SIK2: variants seen among roughly 807,000 people sequenced by gnomAD.
SIK2 encodes the protein salt inducible kinase 2.
Under a neutral mutation model 103.2 loss-of-function variants are expected in SIK2, and 29 were observed. That is an observed-to-expected ratio of 0.28 (90% CI 0.21 to 0.38). The LOEUF (loss-of-function observed/expected upper bound fraction) is 0.38, where lower values mean the gene tolerates loss of function less well. Ranked by LOEUF, SIK2 falls within the 10% of genes least tolerant of loss-of-function variation. The pLI is 1.00. For missense variants in SIK2, 879 were observed against 1,171.0 expected, an observed-to-expected ratio of 0.75 and a Z score of 3.64; for synonymous variants, 412 against 446.1, an observed-to-expected ratio of 0.92 and a Z score of 0.96.
chr11:111,631,526 G>A (rs73017017), intron 3 of SIK2, among the ~76,000 whole-genome samples: 3,855 of 152,280 alleles, frequency 0.025, 66 homozygotes, highest in Non-Finnish European at 0.038. Flanking sequence ...AAGGCTGATT[G>A]TGAGATCCAA....
intron 3 of SIK2, among the ~76,000 whole-genome samples, chr11:111,670,801 C>T (rs1245917108): frequency 6.6e-6 from 1 of 152,076 alleles, no homozygotes; most frequent in Non-Finnish European, 1.5e-5. Flanking sequence ...AGAGTGGGTA[C>T]CCCAGGCAAT....
At chr11:111,676,094 C>A (rs1942700003) in intron 3 of SIK2, among the ~76,000 whole-genome samples, 1 of 152,152 alleles carries the variant, frequency 6.6e-6, no homozygotes, top group Non-Finnish European at 1.5e-5. Flanking sequence ...GATAGTATTT[C>A]CTCCTTTTTA....
At chr11:111,668,170 AAAGT>A in intron 3 of SIK2, among the ~76,000 whole-genome samples, 1 of 98,662 alleles carries the variant, frequency 1.0e-5, no homozygotes, top group African/African-American at 3.8e-5. Flanking sequence ...TGGAATAACT[AAAGT>A]AAGGAGTGTG....
chr11:111,709,110 C>T (rs778481170), intron 8 of SIK2, among the ~76,000 whole-genome samples: 2 of 152,190 alleles, frequency 1.3e-5, no homozygotes, highest in Admixed American at 6.5e-5. Context: ...TCTCACAGTT[C>T]GGGAGGCCGG....
intron 4 of SIK2, among the ~76,000 whole-genome samples, chr11:111,693,738 C>T (rs1943003550): frequency 6.6e-6 from 1 of 152,126 alleles, no homozygotes; most frequent in Non-Finnish European, 1.5e-5. Context: ...TAGCTATAAC[C>T]TTGGGCCGAT....
At chr11:111,655,137 C>T (rs889946578) in intron 3 of SIK2, among the ~76,000 whole-genome samples, 3 of 152,232 alleles carry the variant, frequency 2.0e-5, no homozygotes, top group African/African-American at 4.8e-5. Context: ...CACAGTGGCT[C>T]ATGCCTGTGA....
chr11:111,711,261 G>C (rs1009811436), intron 8 of SIK2, among the ~76,000 whole-genome samples: 1 of 151,934 alleles, frequency 6.6e-6, no homozygotes, highest in Admixed American at 6.6e-5. Flanking sequence ...TGGGACTACA[G>C]GCACCCGCCA....
intron 3 of SIK2, among the ~76,000 whole-genome samples, chr11:111,675,506 C>T (rs1237004699): frequency 2.0e-5 from 3 of 152,176 alleles, no homozygotes; most frequent in Non-Finnish European, 4.4e-5. Flanking sequence ...TCACTGTTTT[C>T]TTTCTTTTCT....
At chr11:111,674,166 G>A (rs888392917) in intron 3 of SIK2, among the ~76,000 whole-genome samples, 3 of 151,948 alleles carry the variant, frequency 2.0e-5, no homozygotes, top group Non-Finnish European at 4.4e-5. Context: ...TGGCCCAGGA[G>A]CTGAGAACAG....
At chr11:111,606,427 C>T (rs1941648669) in intron 1 of SIK2, among the ~76,000 whole-genome samples, 1 of 151,840 alleles carries the variant, frequency 6.6e-6, no homozygotes, top group African/African-American at 2.4e-5. Context: ...GCATTTTTTC[C>T]ATAGATGAAA....
rs781199384 is a variant in SIK2, at chr11:111,703,204, T to C, written c.729T>C (p.Asp243=). 3.7e-6 allele frequency: 6 copies of C among 1,613,916 alleles called. No individual in the cohort carries two copies. Among genetic ancestry groups the C allele is most frequent in the Non-Finnish European group, 5.1e-6 (6 of 1,179,918 alleles). The part of the protein sequence containing the change: ...RFRIPYFMSE[D]CEHLIRRMLV... ...TTTGTAACATTGTGTTTTCTATAGA[T>C]TGCGAGCACCTTATCCGAAGGATGT... is the stretch of plus-strand genomic sequence containing the variant. The change falls in exon 7 of 15, where the codon GAT becomes GAC. Residue 243 remains aspartate, a splice_region_variant and synonymous_variant. Coordinates refer to ENST00000304987, the MANE Select transcript of SIK2 (RefSeq NM_015191.3).
chr11:111,701,068 C>T lies in SIK2; in HGVS notation c.603+58C>T. ...ATCTATACTGATAATACTTGGTGTT[C>T]TGGCCCATCTTAGAAGCTCCTGGTA... On this transcript the variant is annotated intron_variant, in intron 5 of 14. Coordinates refer to ENST00000304987, the MANE Select transcript of SIK2 (RefSeq NM_015191.3). The surrounding 1 kb of genome is among the most constrained non-coding windows in gnomAD (Gnocchi z 4.2). 6.4e-7 allele frequency: 1 copy of T among 1,570,822 alleles called. No homozygotes were observed. The highest frequency in any genetic ancestry group is 8.7e-7 in the Non-Finnish European group (1 of 1,155,110).
In SIK2 at chr11:111,701,370, C is replaced by T; in HGVS notation, c.604-82C>T. Reference sequence around the variant, plus strand: ...AGGAATTTTTCAGTCCATATGATTTCAAGAGCCCTGGGGATGTTCAGGAAA... The same window carrying T: ...AGGAATTTTTCAGTCCATATGATTTTAAGAGCCCTGGGGATGTTCAGGAAA... On this transcript the variant is annotated intron_variant, in intron 5 of 14. Coordinates refer to ENST00000304987, the MANE Select transcript of SIK2 (RefSeq NM_015191.3). This position sits in a 1 kb window ranked among gnomAD's most constrained non-coding sequence, Gnocchi z 4.2. 6.7e-7 allele frequency: 1 copy of T among 1,501,808 alleles called. No individual in the cohort carries two copies. Among genetic ancestry groups the T allele is most frequent in the Non-Finnish European group, 8.9e-7 (1 of 1,118,328 alleles). 93.0% of individuals were successfully genotyped at this position (1,501,808 alleles called of 1,614,324 possible). A position where few individuals can be genotyped will look rare whatever the true frequency, so the allele number is the denominator to read the frequency against.
In SIK2 at chr11:111,602,692, G is replaced by A. The variant is rs758209343; in HGVS notation, c.129G>A (p.Lys43=). 3.3e-6 allele frequency: 5 copies of A among 1,519,220 alleles called. No individual in the cohort carries two copies. Among genetic ancestry groups the A allele is most frequent in the Admixed American group, 4.2e-5 (2 of 47,832 alleles). 94.1% of individuals were successfully genotyped at this position (1,519,220 alleles called of 1,614,324 possible). ...AGCTGGGGCGGCACCGGATCACCAA[G>A]ACGGAGGTGCGGCCCGGGGCTCGGC... ...VVKLGRHRIT[K]TEVAIKIIDK... The change falls in exon 1 of 15, where the codon AAG becomes AAA. Residue 43 remains lysine (K), a synonymous_variant. Coordinates refer to ENST00000304987, the MANE Select transcript of SIK2 (RefSeq NM_015191.3). This position sits in a 1 kb window ranked among gnomAD's most constrained non-coding sequence, Gnocchi z 4.5.
chr11:111,660,095 C>T (rs1942447693), intron 3 of SIK2, among the ~76,000 whole-genome samples: 1 of 152,140 alleles, frequency 6.6e-6, no homozygotes, highest in Non-Finnish European at 1.5e-5. Context: ...GCTGGATTTG[C>T]AGTTAGAGAC....
intron 3 of SIK2, among the ~76,000 whole-genome samples, chr11:111,648,893 C>T (rs1942292396): frequency 6.6e-6 from 1 of 152,024 alleles, no homozygotes; most frequent in African/African-American, 2.4e-5. Flanking sequence ...GACATGTTAG[C>T]ATGTAGATCT....
At chr11:111,715,855 G>C (rs1330702562) in intron 9 of SIK2, among the ~76,000 whole-genome samples, 1 of 126,516 alleles carries the variant, frequency 7.9e-6, no homozygotes, top group East Asian at 2.4e-4. Flanking sequence ...AGGCTGGAGT[G>C]CAGTGACACG....
chr11:111,674,832 C>T (rs929952706), intron 3 of SIK2, among the ~76,000 whole-genome samples: 3 of 152,068 alleles, frequency 2.0e-5, no homozygotes, highest in Admixed American at 6.5e-5. Context: ...CTGCAACCTC[C>T]ACCTCCCAGG....
intron 3 of SIK2, among the ~76,000 whole-genome samples, chr11:111,672,847 C>T (rs1942647032): frequency 6.6e-6 from 1 of 152,168 alleles, no homozygotes; most frequent in Admixed American, 6.5e-5. Flanking sequence ...CTTGATTGGA[C>T]CACTATTCGT....
Sources: gnomAD v4.1 joint callset for allele counts (sites outside exome capture counted in the v4.1 genomes callset) on GRCh38, gnomAD v4.1.1 for gene constraint, Gnocchi (gnomAD v3.1) non-coding constraint, MANE v1.5 for transcripts, NCBI Gene and HGNC (gene_info 2026-07-23, HGNC 2026-07-21) for gene names.